The following IDS variants were observed in gnomAD, a reference collection of about 807,000 sequenced individuals.
The protein encoded by IDS is alpha-L-iduronate sulfate sulfatase.
In IDS, 1 loss-of-function variant was observed where a neutral mutation model predicts 33.5. The observed-to-expected ratio is 0.03, with a 90% CI of 0.01 to 0.14. The LOEUF is 0.14. IDS is among the 10% of genes least tolerant of loss of function. The probability of loss-of-function intolerance (pLI) is 1.00; values close to 1 mark genes in which losing one functional copy is unlikely to be tolerated. For missense variants in IDS, 328 were observed against 448.0 expected (o/e 0.73, Z 2.42); for synonymous variants, 191 against 184.4 (o/e 1.04, Z -0.29).
At chrX:149,497,769 C>T (rs1204551994) in intron 5 of IDS, among the ~76,000 whole-genome samples, 2 of 111,831 alleles carry the variant, frequency 1.8e-5, no homozygotes, top group Admixed American at 9.4e-5. Flanking sequence ...TTTGGAAGGG[C>T]CATCCCTTAT....
In IDS at chrX:149,481,957, CT is replaced by C. The variant is rs2089298126; in HGVS notation, c.*788del. The stretch of plus-strand genomic sequence containing the variant: ...AATGTTTTCCAGTGTGAACAACAGT[CT>C]TTTAATAGATGGCCATTGAGTTCAA... On this transcript the variant is annotated 3_prime_UTR_variant, in exon 9 of 9. Coordinates refer to ENST00000340855, the MANE Select transcript of IDS (RefSeq NM_000202.8). 1 of 112,389 alleles carries C rather than the reference CT, an allele frequency of 8.9e-6. No homozygotes were observed. Among genetic ancestry groups the C allele is most frequent in the African/African-American group, 3.2e-5 (1 of 30,938 alleles). 9.3% of individuals were successfully genotyped at this position (112,389 alleles called of 1,213,427 possible).
chrX:149,482,606 A>T lies in IDS; in HGVS notation c.*140T>A, dbSNP rs2089301432. 3.0e-6 allele frequency: 3 copies of T among 1,008,909 alleles called. No homozygotes were observed. The highest frequency in any genetic ancestry group is 4.0e-6 in the Non-Finnish European group (3 of 747,667). 83.1% of individuals were successfully genotyped at this position (1,008,909 alleles called of 1,213,427 possible). A position where few individuals can be genotyped will look rare whatever the true frequency, so the allele number is the denominator to read the frequency against. ...TTGGCTGTTACATATTCTCAGGCCAAATTGTTGATGCATGTTTGGATTAAC... is the reference window on the plus strand; with the variant it reads ...TTGGCTGTTACATATTCTCAGGCCATATTGTTGATGCATGTTTGGATTAAC... On this transcript the variant is annotated 3_prime_UTR_variant, in exon 9 of 9. Transcript: ENST00000340855.
At chrX:149,504,539 A>C (rs141764136) in intron 1 of IDS, among the ~76,000 whole-genome samples, 129 of 111,434 alleles carry the variant, frequency 1.2e-3, no homozygotes, top group East Asian at 0.01. Context: ...AGTGAGTGAA[A>C]GATGGTGGAA....
chrX:149,479,983 G>T lies in IDS; in HGVS notation c.*2763C>A, dbSNP rs782382712. The T allele has an allele frequency of 1.0e-4, 27 of 264,168 alleles. No individual in the cohort carries two copies. Among genetic ancestry groups the T allele is most frequent in the Admixed American group, 2.7e-4 (4 of 15,059 alleles). The allele number at this position is 264,168 out of a possible 1,213,427, so 21.8% of individuals were successfully genotyped here. ...CAAAAACCTCAGCCTCCTTCGGGAG[G>T]GGGGGAGCTTGGTAGTGAAAAATGG... On this transcript the variant is annotated 3_prime_UTR_variant, in exon 9 of 9. Transcript: ENST00000340855.
At chrX:149,500,134 A>T (rs2124052586) in intron 4 of IDS, among the ~76,000 whole-genome samples, 1 of 111,649 alleles carries the variant, frequency 9.0e-6, no homozygotes, top group East Asian at 2.8e-4. Context: ...CTTTGAGAAG[A>T]AATGGGTAGG....
chrX:149,496,471 C>A lies in IDS; in HGVS notation c.754G>T (p.Asp252Tyr), dbSNP rs146458524. The A allele has an allele frequency of 2.5e-6, 3 of 1,209,366 alleles. No individual in the cohort carries two copies. In the African/African-American group the frequency reaches 5.3e-5, roughly 21 times the overall value. ...GGTAGGCCATCAGGGACCTCGGGAT[C>A]GGGGGCCAGGGTGATGTTCTCCAAG... ...YPLENITLAP[D>Y]PEVPDGLPPV... Residue 252 changes from aspartate (D) to tyrosine (Y), a missense_variant, in exon 6 of 9, where the codon GAT becomes TAT. Coordinates refer to ENST00000340855, the MANE Select transcript of IDS (RefSeq NM_000202.8).
At position 149,504,434 on chromosome X, in the gene IDS, C is replaced by G. The variant is rs782084634; in HGVS notation, c.104-141G>C. On this transcript the variant is annotated intron_variant, in intron 1 of 8. Coordinates refer to ENST00000340855, the MANE Select transcript of IDS (RefSeq NM_000202.8). ...AGCCAGGGAGGGCGCTGTGCCTCAG[C>G]AAGGGTGGGAGTGGGGCTCGAGGAG... The G allele has an allele frequency of 4.6e-6, 3 of 653,259 alleles. No individual in the cohort carries two copies. The Admixed American group carries it at 8.7e-5, about 19-fold the overall frequency. The allele number at this position is 653,259 out of a possible 1,213,427, so 53.8% of individuals were successfully genotyped here.
Position 149,496,445 on chromosome X carries a change from G to A in IDS, c.780C>T (p.Pro260=). The A allele has an allele frequency of 8.3e-7, 1 of 1,208,904 alleles. No individual in the cohort carries two copies. The highest frequency in any genetic ancestry group is 3.0e-5 in the East Asian group (1 of 33,842). The change falls in exon 6 of 9, where the codon CCC becomes CCT. Residue 260 remains proline (P), a synonymous_variant. Transcript: ENST00000340855. The part of the protein sequence containing the change: ...APDPEVPDGL[P]PVAYNPWMDI... ...CCATCCAGGGGTTGTAGGCCACAGG[G>A]GGTAGGCCATCAGGGACCTCGGGAT...
At chrX:149,483,299 T>C in intron 8 of IDS, 81 bp from the exon 9 acceptor site, 1 of 717,618 alleles carries the variant, frequency 1.4e-6, no homozygotes, top group Non-Finnish European at 2.2e-6. Flanking sequence ...AAGGAACCTG[T>C]CTGGGCTCCA....
intron 7 of IDS, among the ~76,000 whole-genome samples, chrX:149,489,731 T>C (rs2089372138): frequency 9.0e-6 from 1 of 111,552 alleles, no homozygotes; most frequent in South Asian, 3.8e-4. Flanking sequence ...GGAACAAGAC[T>C]ATGTGAGTGG....
At chrX:149,489,703 G>A (rs929885891) in intron 7 of IDS, among the ~76,000 whole-genome samples, 5 of 112,038 alleles carry the variant, frequency 4.5e-5, no homozygotes, top group East Asian at 2.8e-4. Flanking sequence ...AGAGATGGGG[G>A]AGTGGGTGAG....
rs1020417824 is a variant in IDS at position 149,480,713 on chromosome X, C to T, written c.*2033G>A. 5.3e-5 allele frequency: 8 copies of T among 149,773 alleles called. No homozygotes were observed. The highest frequency in any genetic ancestry group is 9.0e-5 in the Non-Finnish European group (7 of 77,398). 12.3% of individuals were successfully genotyped at this position (149,773 alleles called of 1,213,427 possible). The stretch of plus-strand genomic sequence containing the variant: ...CAGGCTGGTCTTGAACTCCTAACCT[C>T]AAGTGATCCGCCTGCCTGGGCCTCC... On this transcript the variant is annotated 3_prime_UTR_variant, in exon 9 of 9. Coordinates refer to ENST00000340855, the MANE Select transcript of IDS (RefSeq NM_000202.8).
intron 8 of IDS, among the ~76,000 whole-genome samples, 200 bp from the exon 9 acceptor site, chrX:149,483,418 A>G (rs1163836632): frequency 8.9e-5 from 10 of 111,822 alleles, no homozygotes; most frequent in Admixed American, 8.5e-4. Flanking sequence ...AAATAGCAGG[A>G]TGCAAAATTA....
chrX:149,483,232 C>T lies in IDS; in HGVS notation c.1181-14G>A, dbSNP rs200950988. 40 of 1,172,194 alleles carry T rather than the reference C, an allele frequency of 3.4e-5. No homozygotes were observed. The highest frequency in any genetic ancestry group is 2.1e-4 in the South Asian group (12 of 55,852). On this transcript the variant is annotated splice_polypyrimidine_tract_variant and intron_variant, in intron 8 of 8. Coordinates refer to ENST00000340855, the MANE Select transcript of IDS (RefSeq NM_000202.8). ...TGGATTGCCTGCCTGAAACAGGAAGCGACAGAGCAGAATGGGTTACATTAT... is the reference window on the plus strand; with the variant it reads ...TGGATTGCCTGCCTGAAACAGGAAGTGACAGAGCAGAATGGGTTACATTAT...
Position 149,490,512 on chromosome X carries a change from T to C in IDS, c.880-72A>G, listed in dbSNP as rs782031668. ...TGCCAAGGCATACAGAGATAATGCT[T>C]GCCTGTGCATCTCTCCCAATCCCTA... On this transcript the variant is annotated intron_variant, in intron 6 of 8. Coordinates refer to ENST00000340855, the MANE Select transcript of IDS (RefSeq NM_000202.8). The C allele has an allele frequency of 1.7e-4, 180 of 1,067,394 alleles. No individual in the cohort carries two copies. The South Asian group carries it at 3.2e-3, about 19-fold the overall frequency. 88.0% of individuals were successfully genotyped at this position (1,067,394 alleles called of 1,213,427 possible).
intron 1 of IDS, 72 bp from the exon 2 acceptor site, chrX:149,504,365 G>T: frequency 9.3e-7 from 1 of 1,080,122 alleles, no homozygotes; most frequent in East Asian, 3.3e-5. Flanking sequence ...GTAGGTGCTA[G>T]GTTACTAAGA....
rs141193455 is a variant in IDS, at chrX:149,486,578, G to C, written c.1180+347C>G. Among the ~76,000 whole-genome samples the C allele has an allele frequency of 4.2e-3, 468 of 112,056 alleles. 1 individual carries two copies. Among genetic ancestry groups the C allele is most frequent in the African/African-American group, 0.014 (445 of 30,830 alleles). On this transcript the variant is annotated intron_variant, in intron 8 of 8. Coordinates refer to ENST00000340855, the MANE Select transcript of IDS (RefSeq NM_000202.8). ...GGAAAGGATTCTCCTCGTCTGTTAC[G>C]GGGGCAGCCCCTTACTCTAAGCTCT...
At chrX:149,498,574 T>C (rs1300691731) in intron 4 of IDS, among the ~76,000 whole-genome samples, 4 of 112,092 alleles carry the variant, frequency 3.6e-5, no homozygotes. Context: ...GATAGACTAA[T>C]TATAAAAAAA....
At chrX:149,489,879 C>T (rs2124018099) in intron 7 of IDS, among the ~76,000 whole-genome samples, 1 of 110,711 alleles carries the variant, frequency 9.0e-6, no homozygotes, top group East Asian at 2.8e-4. Context: ...AAAGCCCAGG[C>T]TCTCGGCAGA....
Sources: gnomAD v4.1 joint callset for allele counts (sites outside exome capture counted in the v4.1 genomes callset) on GRCh38, gnomAD v4.1.1 for gene constraint, MANE v1.5 for transcripts, NCBI Gene and HGNC (gene_info 2026-07-23, HGNC 2026-07-21) for gene names.